The following PHACTR4 variants were observed in gnomAD, a reference collection of about 807,000 sequenced individuals.
The protein encoded by PHACTR4 is phosphatase and actin regulator 4.
In PHACTR4, 51 loss-of-function variants were observed where a neutral mutation model predicts 72.7. The ratio of observed to expected loss-of-function variants is 0.70; its 90% CI spans 0.56 to 0.89. The LOEUF (loss-of-function observed/expected upper bound fraction) is 0.89. Among genes scored for constraint, PHACTR4 ranks in the 40% least tolerant of loss-of-function variants. The pLI is 0.00. For missense variants in PHACTR4, 731 were observed against 861.8 expected, an observed-to-expected ratio of 0.85 and a Z score of 1.90; for synonymous variants, 255 against 302.5, an observed-to-expected ratio of 0.84 and a Z score of 1.63.
At chr1:28,448,752 A>C (rs1657685770) in intron 2 of PHACTR4, among the ~76,000 whole-genome samples, 1 of 107,028 alleles carries the variant, frequency 9.3e-6, no homozygotes, top group African/African-American at 4.2e-5. Flanking sequence ...ACAGAGCGAG[A>C]CTCCATCTCA....
intron 1 of PHACTR4, among the ~76,000 whole-genome samples, chr1:28,397,788 T>C (rs1569821478): frequency 6.6e-6 from 1 of 151,208 alleles, no homozygotes; most frequent in African/African-American, 2.4e-5. Flanking sequence ...CTCCACCTCC[T>C]GGGTTCAAGC....
intron 2 of PHACTR4, chr1:28,438,165 G>C: frequency 2.4e-6 from 3 of 1,255,406 alleles, no homozygotes; most frequent in Non-Finnish European, 3.0e-6. Context: ...TGTGTGAAGA[G>C]TGCCAGTGTG....
chr1:28,381,362 G>A (rs1176451997), intron 1 of PHACTR4, among the ~76,000 whole-genome samples: 6 of 139,314 alleles, frequency 4.3e-5, no homozygotes, highest in Non-Finnish European at 7.6e-5. Context: ...GCAGTGGCGT[G>A]ATCTCAGCTC....
intron 6 of PHACTR4, among the ~76,000 whole-genome samples, chr1:28,470,357 C>T (rs1659484349): frequency 6.6e-6 from 1 of 151,904 alleles, no homozygotes; most frequent in African/African-American, 2.4e-5. Flanking sequence ...TGCACCACTG[C>T]ACTCTAGCCT....
intron 2 of PHACTR4, chr1:28,453,954 G>A (rs1658171782): frequency 1.2e-5 from 7 of 603,436 alleles, no homozygotes; most frequent in East Asian, 4.4e-5. Context: ...GGTGGCACAC[G>A]CCCGTAATCT....
chr1:28,457,857 T>A, intron 2 of PHACTR4: 1 of 985,284 alleles, frequency 1.0e-6, no homozygotes, highest in African/African-American at 1.7e-5. Flanking sequence ...CTTGGAACAG[T>A]AGGTGGAGTG....
At position 28,497,289 on chromosome 1, in the gene PHACTR4, A is replaced by C. The variant is rs1337193551; in HGVS notation, c.*740A>C. On this transcript the variant is annotated 3_prime_UTR_variant, in exon 14 of 14. Transcript: ENST00000373839. ...TAGATGAGGCCAGGCGCGGTGGCTCACGCCTGTAATCCCAGCACTTTGGGA... is the reference window on the plus strand; with the variant it reads ...TAGATGAGGCCAGGCGCGGTGGCTCCCGCCTGTAATCCCAGCACTTTGGGA... 1 of 152,134 alleles carries C rather than the reference A, an allele frequency of 6.6e-6. No homozygotes were observed. The highest frequency in any genetic ancestry group is 1.5e-5 in the Non-Finnish European group (1 of 68,042). 9.4% of individuals were successfully genotyped at this position (152,134 alleles called of 1,614,324 possible).
chr1:28,450,141 C>T (rs1657832604), intron 2 of PHACTR4, among the ~76,000 whole-genome samples: 1 of 152,114 alleles, frequency 6.6e-6, no homozygotes, highest in African/African-American at 2.4e-5. Context: ...CTCCAAAAAA[C>T]ACCAAGACTG....
chr1:28,493,209 G>C, intron 13 of PHACTR4, 118 bp downstream of exon 13: 1 of 851,834 alleles, frequency 1.2e-6, no homozygotes, highest in Non-Finnish European at 1.9e-6. Context: ...TTGATTGCAA[G>C]ACTGCATTCA....
At chr1:28,380,182 G>A (rs1388058483) in intron 1 of PHACTR4, among the ~76,000 whole-genome samples, 3 of 144,436 alleles carry the variant, frequency 2.1e-5, no homozygotes, top group African/African-American at 2.6e-5. Context: ...TCAGCCTCCC[G>A]AGTAGCTGGG....
intron 9 of PHACTR4, among the ~76,000 whole-genome samples, chr1:28,484,950 G>A (rs1043468471): frequency 6.6e-6 from 1 of 151,816 alleles, no homozygotes; most frequent in Non-Finnish European, 1.5e-5. Flanking sequence ...TGGGCAACAA[G>A]AGCAAAAGAA....
intron 2 of PHACTR4, among the ~76,000 whole-genome samples, chr1:28,442,481 G>T (rs1431756946): frequency 1.3e-5 from 2 of 150,550 alleles, no homozygotes; most frequent in Non-Finnish European, 2.9e-5. Flanking sequence ...AGAAAAAAAA[G>T]TTTTTGTTTG....
At chr1:28,461,210 C>T (rs1362664509) in intron 4 of PHACTR4, among the ~76,000 whole-genome samples, 3 of 151,854 alleles carry the variant, frequency 2.0e-5, no homozygotes, top group Non-Finnish European at 4.4e-5. Flanking sequence ...GAGGCCGAGA[C>T]GGGCAGAACA....
At chr1:28,480,383 T>G (rs1444415098) in intron 8 of PHACTR4, 68 bp from the exon 9 acceptor site, 2 of 1,562,258 alleles carry the variant, frequency 1.3e-6, no homozygotes, top group African/African-American at 2.7e-5. Flanking sequence ...CTTGACTAGC[T>G]CCAGGTAAGG....
intron 1 of PHACTR4, among the ~76,000 whole-genome samples, chr1:28,378,000 A>G (rs1267093462): frequency 6.7e-6 from 1 of 149,878 alleles, no homozygotes; most frequent in East Asian, 2.0e-4. Flanking sequence ...GATTGAGACC[A>G]TCCTGGCTAA....
At chr1:28,472,878 A>G (rs968566972) in intron 6 of PHACTR4, among the ~76,000 whole-genome samples, 34 of 148,540 alleles carry the variant, frequency 2.3e-4, no homozygotes, top group African/African-American at 8.2e-4. Context: ...CGGCCTCCCA[A>G]AGTATTGGGA....
intron 4 of PHACTR4, among the ~76,000 whole-genome samples, chr1:28,461,464 C>A (rs1170660137): frequency 1.3e-5 from 2 of 152,056 alleles, no homozygotes; most frequent in African/African-American, 4.8e-5. Flanking sequence ...AAATCATATC[C>A]TTTGAAGAAT....
At chr1:28,479,656 T>C (rs36051864) in intron 8 of PHACTR4, among the ~76,000 whole-genome samples, 15,597 of 148,510 alleles carry the variant, frequency 0.11, 1,856 homozygotes, top group African/African-American at 0.3. Context: ...GAGGCCGAGG[T>C]GGGTGGATCA....
chr1:28,451,554 G>A (rs575831549), intron 2 of PHACTR4, among the ~76,000 whole-genome samples: 63 of 152,028 alleles, frequency 4.1e-4, no homozygotes, highest in African/African-American at 6.8e-4. Context: ...CAACAGGTGC[G>A]CATCACTGTG....
Sources: gnomAD v4.1 joint callset for allele counts (sites outside exome capture counted in the v4.1 genomes callset) on GRCh38, gnomAD v4.1.1 for gene constraint, MANE v1.5 for transcripts, NCBI Gene and HGNC (gene_info 2026-07-23, HGNC 2026-07-21) for gene names.